Variants in TEAD3 observed in about 807,000 individuals in gnomAD.
TEAD3 encodes the protein TEA domain transcription factor 3, also known as transcriptional enhancer factor TEF-5.
A neutral mutation model predicts 55.6 loss-of-function variants in TEAD3; 15 were observed. The observed-to-expected ratio is 0.27, with a 90% CI of 0.18 to 0.42. The LOEUF (loss-of-function observed/expected upper bound fraction) is 0.42. TEAD3 is among the 10% of genes least tolerant of loss of function. TEAD3 has a pLI of 1.00. For missense variants in TEAD3, 407 were observed against 576.8 expected, an observed-to-expected ratio of 0.71 and a Z score of 3.01; for synonymous variants, 210 against 232.2, an observed-to-expected ratio of 0.90 and a Z score of 0.87.
chr6:35,476,063 G>T (rs1768141198), exon 10 of TEAD3: 1 of 1,539,424 alleles, frequency 6.5e-7, no homozygotes, highest in African/African-American at 1.4e-5. Flanking sequence ...GGTTCGTCTG[G>T]CCGATGTGCA....
rs1305243330 is a variant in TEAD3 at position 35,496,227 on chromosome 6, C to T, written c.-50+671G>A. ...GGGAAGAAAAGGCCCCAAATCCAGA[C>T]CCCTCCGAGCCAAGCTCACAGCGCT... On this transcript the variant is annotated intron_variant, in intron 1 of 12. Coordinates refer to ENST00000639578, the Ensembl canonical transcript of TEAD3. This position sits in a 1 kb window ranked among gnomAD's most constrained non-coding sequence, Gnocchi z 4.8. Among the ~76,000 whole-genome samples the T allele has an allele frequency of 1.3e-5, 2 of 152,208 alleles. No individual in the cohort carries two copies. The highest frequency in any genetic ancestry group is 2.9e-5 in the Non-Finnish European group (2 of 68,038).
rs1354160446 is a variant in TEAD3 at position 35,475,301 on chromosome 6, T to A, written c.1194+35A>T. On this transcript the variant is annotated intron_variant, in intron 12 of 12. Transcript: ENST00000639578. The surrounding 1 kb of genome is among the most constrained non-coding windows in gnomAD (Gnocchi z 5.4). The stretch of plus-strand genomic sequence containing the variant: ...GCTACCCAACTTGGAGGCCCTGGCC[T>A]GTGGGACTCCCCACGACCCCTGCTG... 1.2e-6 allele frequency: 2 copies of A among 1,609,484 alleles called. No homozygotes were observed. The highest frequency in any genetic ancestry group is 2.2e-5 in the East Asian group (1 of 44,822).
Position 35,491,884 on chromosome 6 carries a change from G to A in TEAD3, c.-50+5014C>T, listed in dbSNP as rs369909456. Among the ~76,000 whole-genome samples, 411 of 152,292 alleles carry A rather than the reference G, an allele frequency of 2.7e-3. 2 individuals carry two copies. The highest frequency in any genetic ancestry group is 9.0e-3 in the African/African-American group (373 of 41,562). On this transcript the variant is annotated intron_variant, in intron 1 of 12. Transcript: ENST00000639578. This position sits in a 1 kb window ranked among gnomAD's most constrained non-coding sequence, Gnocchi z 4.4. ...ACTGGCTGGACAGCTCCAGGGATCA[G>A]GCTGGAGCTGGGGCCGCTGCAGAGG...
At chr6:35,481,147 T>C (rs529498211) in intron 3 of TEAD3, among the ~76,000 whole-genome samples, 48 of 151,940 alleles carry the variant, frequency 3.2e-4, no homozygotes, top group South Asian at 1.5e-3. Flanking sequence ...TGCTCTTAAT[T>C]GCAATTCTTC....
At chr6:35,479,985 G>C in intron 4 of TEAD3, 2 of 1,304,254 alleles carry the variant, frequency 1.5e-6, no homozygotes, top group Non-Finnish European at 2.1e-6. Context: ...TCCCAGGCTG[G>C]AGCCACAGAG....
chr6:35,482,054 G>A (rs1227933880), intron 3 of TEAD3, among the ~76,000 whole-genome samples: 1 of 152,008 alleles, frequency 6.6e-6, no homozygotes, highest in Non-Finnish European at 1.5e-5. Context: ...GCGTGATCTC[G>A]GCTCACTGCA....
At chr6:35,490,190 C>T (rs1383540674) in intron 1 of TEAD3, among the ~76,000 whole-genome samples, 1 of 152,168 alleles carries the variant, frequency 6.6e-6, no homozygotes, top group Admixed American at 6.5e-5. Context: ...AGGCTGTGGC[C>T]CCCCCTTCTT....
At chr6:35,480,251 G>T in intron 3 of TEAD3, 61 bp downstream of exon 4, 2 of 1,585,232 alleles carry the variant, frequency 1.3e-6, no homozygotes, top group Non-Finnish European at 1.7e-6. Flanking sequence ...GCTATGCAGA[G>T]ATAGCGCCGT....
rs1237544443 is a variant in TEAD3 at position 35,484,024 on chromosome 6, T to A, written c.267+536A>T. Among the ~76,000 whole-genome samples the A allele has an allele frequency of 6.6e-6, 1 of 152,216 alleles. No individual in the cohort carries two copies. Among genetic ancestry groups the A allele is most frequent in the African/African-American group, 2.4e-5 (1 of 41,462 alleles). On this transcript the variant is annotated intron_variant, in intron 3 of 12. Transcript: ENST00000639578. The surrounding 1 kb of genome is among the most constrained non-coding windows in gnomAD (Gnocchi z 5.8). Reference sequence around the variant, plus strand: ...GGAAGGAAGGGTCTTCTCCCTTTTCTCTGCCTTGCGAACTCCCATTCCTTC... The same window carrying A: ...GGAAGGAAGGGTCTTCTCCCTTTTCACTGCCTTGCGAACTCCCATTCCTTC...
chr6:35,486,691 G>C lies in TEAD3; in HGVS notation c.-29C>G. The C allele has an allele frequency of 6.2e-7, 1 of 1,604,542 alleles. No individual in the cohort carries two copies. The highest frequency in any genetic ancestry group is 8.5e-7 in the Non-Finnish European group (1 of 1,175,502). ...GCTGGTTGCTCTGGGCTCTGGGCCT[G>C]AGCCCACTGGGCGGCTGAGCCTGGG... On this transcript the variant is annotated 5_prime_UTR_variant, in exon 2 of 13. Transcript: ENST00000639578. This position sits in a 1 kb window ranked among gnomAD's most constrained non-coding sequence, Gnocchi z 7.3.
rs1768339270 is a variant in TEAD3 at position 35,484,774 on chromosome 6, G to A, written c.203-150C>T. On this transcript the variant is annotated intron_variant, in intron 2 of 12. Coordinates refer to ENST00000639578, the Ensembl canonical transcript of TEAD3. The surrounding 1 kb of genome is among the most constrained non-coding windows in gnomAD (Gnocchi z 5.8). ...CTCTTCACCCCAAGCTGCACATGCA[G>A]GGCATGCAAAGGTGGCTGGGGAGTC... The A allele has an allele frequency of 1.4e-6, 1 of 737,258 alleles. No individual in the cohort carries two copies. Among genetic ancestry groups the A allele is most frequent in the African/African-American group, 1.7e-5 (1 of 57,780 alleles). The allele number at this position is 737,258 out of a possible 1,614,324, so 45.7% of individuals were successfully genotyped here.
chr6:35,481,074 C>T (rs1768258142), intron 3 of TEAD3, among the ~76,000 whole-genome samples: 1 of 151,880 alleles, frequency 6.6e-6, no homozygotes, highest in Non-Finnish European at 1.5e-5. Flanking sequence ...AACTTTTCCC[C>T]CCAATATACC....
intron 8 of TEAD3, among the ~76,000 whole-genome samples, chr6:35,476,695 C>T (rs576473255): frequency 6.6e-6 from 1 of 152,344 alleles, no homozygotes; most frequent in East Asian, 1.9e-4. Context: ...TACCCAGAAT[C>T]CCACCATCTA....
chr6:35,477,761 T>C (rs1361365699), intron 7 of TEAD3, among the ~76,000 whole-genome samples: 2 of 151,924 alleles, frequency 1.3e-5, no homozygotes. Context: ...AAGAGATGGA[T>C]GACAAGTGGA....
chr6:35,476,417 G>A (rs757481197), exon 9 of TEAD3: 22 of 1,612,852 alleles, frequency 1.4e-5, no homozygotes, highest in African/African-American at 1.2e-4. Flanking sequence ...TGAGGGGAGC[G>A]GGGCCAGGGG....
In TEAD3 at chr6:35,484,272, C is replaced by T. The variant is rs1399095469; in HGVS notation, c.267+288G>A. On this transcript the variant is annotated intron_variant, in intron 3 of 12. Coordinates refer to ENST00000639578, the Ensembl canonical transcript of TEAD3. The surrounding 1 kb of genome is among the most constrained non-coding windows in gnomAD (Gnocchi z 5.8). ...GACCATGTAGCAGCCACAGCAGCCCCGTGGGCTTATCTGTGGTCCCTGAAC... is the reference window on the plus strand; with the variant it reads ...GACCATGTAGCAGCCACAGCAGCCCTGTGGGCTTATCTGTGGTCCCTGAAC... Among the ~76,000 whole-genome samples, 3 of 152,316 alleles carry T rather than the reference C, an allele frequency of 2.0e-5. No individual in the cohort carries two copies. The highest frequency in any genetic ancestry group is 3.9e-4 in the East Asian group (2 of 5,182).
intron 3 of TEAD3, among the ~76,000 whole-genome samples, chr6:35,482,881 T>C (rs1768292250): frequency 6.6e-6 from 1 of 152,250 alleles, no homozygotes; most frequent in African/African-American, 2.4e-5. Context: ...AGTTCGCTTC[T>C]GAGCTCAGAA....
Position 35,476,066 on chromosome 6 carries a change from G to A in TEAD3, c.753C>T (p.Ile251=), listed in dbSNP as rs772343357. 17 of 1,538,524 alleles carry A rather than the reference G, an allele frequency of 1.1e-5. No homozygotes were observed. The Admixed American group carries it at 1.2e-4, about 11-fold the overall frequency. Residue 251 remains isoleucine (I), a synonymous_variant, in exon 10 of 13, where the codon ATC becomes ATT. Coordinates refer to ENST00000639578, the Ensembl canonical transcript of TEAD3. ...CTGAGAAGGCGGGGTTCGTCTGGCC[G>A]ATGTGCACAAACAGGTGTTTGCTGT...
Position 35,475,533 on chromosome 6 carries a change from A to T in TEAD3, c.1041+33T>A. On this transcript the variant is annotated intron_variant, in intron 11 of 12. Coordinates refer to ENST00000639578, the Ensembl canonical transcript of TEAD3. This position sits in a 1 kb window ranked among gnomAD's most constrained non-coding sequence, Gnocchi z 5.4. ...GGCGTCACTCGGCCTGCCTGCTCCCAGCCCCACCAAGCCACCCAGAGCCCC... is the reference window on the plus strand; with the variant it reads ...GGCGTCACTCGGCCTGCCTGCTCCCTGCCCCACCAAGCCACCCAGAGCCCC... 6.2e-7 allele frequency: 1 copy of T among 1,603,990 alleles called. No homozygotes were observed. Among genetic ancestry groups the T allele is most frequent in the Non-Finnish European group, 8.5e-7 (1 of 1,173,020 alleles).
Sources: gnomAD v4.1 joint callset for allele counts (sites outside exome capture counted in the v4.1 genomes callset) on GRCh38, gnomAD v4.1.1 for gene constraint, Gnocchi (gnomAD v3.1) non-coding constraint, MANE v1.5 for transcripts, NCBI Gene and HGNC (gene_info 2026-07-23, HGNC 2026-07-21) for gene names.